Variants in LGSN observed in about 807,000 individuals in gnomAD.
LGSN encodes lengsin, lens protein with glutamine synthetase domain.
LGSN carries 21 observed loss-of-function variants against 19.5 expected under a neutral mutation model. That is an observed-to-expected ratio of 1.07 (90% CI 0.76 to 1.55). The LOEUF is 1.55. Among genes scored for constraint, LGSN ranks in the 40% most tolerant of loss-of-function variants. The pLI is 0.00. For synonymous variants in LGSN, 257 were observed against 215.6 expected, an observed-to-expected ratio of 1.19 and a Z score of -1.68; for missense variants, 673 against 608.5, an observed-to-expected ratio of 1.11 and a Z score of -1.12.
chr6:63,367,687 A>G, the LGSN span, among the ~76,000 whole-genome samples: 6 of 144,266 alleles, frequency 4.2e-5, 2 homozygotes, highest in African/African-American at 1.7e-4. Flanking sequence ...TCTTGGAACC[A>G]GCCCAAATGT....
At chr6:63,384,489 TTGTGTGTGTGTGTG>T in the LGSN span, among the ~76,000 whole-genome samples, 91 of 131,582 alleles carry the variant, frequency 6.9e-4, no homozygotes, top group East Asian at 7.3e-3. Context: ...AAATAACACC[TTGTGTGTGTGTGTG>T]TGTGTGTGTG....
the LGSN span, chr6:63,549,210 T>C: frequency 9.8e-6 from 7 of 712,640 alleles, no homozygotes; most frequent in Admixed American, 3.9e-5. Context: ...TCTGTACTTG[T>C]GGGCCAGCTG....
At chr6:63,524,076 G>T in the LGSN span, among the ~76,000 whole-genome samples, 2 of 152,024 alleles carry the variant, frequency 1.3e-5, no homozygotes, top group Non-Finnish European at 2.9e-5. Context: ...TTGCCTCCCA[G>T]GTTCAAGTGA....
the LGSN span, among the ~76,000 whole-genome samples, chr6:63,399,678 G>A: frequency 6.6e-6 from 1 of 150,826 alleles, no homozygotes; most frequent in Non-Finnish European, 1.5e-5. Flanking sequence ...TTATAGGTGT[G>A]AGCCACTGCA....
the LGSN span, among the ~76,000 whole-genome samples, chr6:63,539,084 G>A: frequency 6.6e-6 from 1 of 151,912 alleles, no homozygotes. Flanking sequence ...GTAGAGTAGA[G>A]GTTTCACCAT....
At chr6:63,516,580 G>C in the LGSN span, among the ~76,000 whole-genome samples, 206 of 152,206 alleles carry the variant, frequency 1.4e-3, 6 homozygotes, top group East Asian at 0.037. Context: ...TTGGGCATGA[G>C]GGCACTCAAA....
chr6:63,326,071 C>A, the LGSN span, among the ~76,000 whole-genome samples: 1 of 152,022 alleles, frequency 6.6e-6, no homozygotes, highest in Non-Finnish European at 1.5e-5. Flanking sequence ...CACGTCCCCA[C>A]CAGATTAGCT....
intron 1 of LGSN, among the ~76,000 whole-genome samples, chr6:63,301,852 A>G (rs796686780): frequency 5.7e-4 from 87 of 152,238 alleles, no homozygotes; most frequent in African/African-American, 2.1e-3. Flanking sequence ...ACGAATAAGG[A>G]TTTTTGCTTT....
At chr6:63,373,334 T>C in the LGSN span, among the ~76,000 whole-genome samples, 1 of 152,218 alleles carries the variant, frequency 6.6e-6, no homozygotes, top group Admixed American at 6.5e-5. Context: ...AGGAACCTGG[T>C]GACGTCATGT....
chr6:63,552,063 T>C, the LGSN span, among the ~76,000 whole-genome samples: 17 of 152,336 alleles, frequency 1.1e-4, no homozygotes, highest in East Asian at 3.3e-3. Flanking sequence ...TACCCAGTAA[T>C]GGGATGGCTG....
the LGSN span, among the ~76,000 whole-genome samples, chr6:63,331,583 C>T: frequency 2.0e-5 from 3 of 152,264 alleles, no homozygotes; most frequent in Non-Finnish European, 4.4e-5. Context: ...GAATCCACAA[C>T]GGTCCCTGGA....
chr6:63,484,545 C>T, the LGSN span, among the ~76,000 whole-genome samples: 5 of 151,884 alleles, frequency 3.3e-5, no homozygotes, highest in Non-Finnish European at 7.4e-5. Flanking sequence ...AAAAAAATCC[C>T]AGAAGACTAC....
chr6:63,329,643 T>C, the LGSN span, among the ~76,000 whole-genome samples: 20 of 152,288 alleles, frequency 1.3e-4, no homozygotes, highest in African/African-American at 4.3e-4. Flanking sequence ...GGGCGGGCAT[T>C]TTTTGCCTTT....
At chr6:63,468,666 G>C in the LGSN span, among the ~76,000 whole-genome samples, 1 of 152,074 alleles carries the variant, frequency 6.6e-6, no homozygotes, top group Non-Finnish European at 1.5e-5. Flanking sequence ...GACCTCAGGT[G>C]ATCTGCCCGC....
At chr6:63,399,132 A>T in the LGSN span, among the ~76,000 whole-genome samples, 3 of 151,798 alleles carry the variant, frequency 2.0e-5, no homozygotes, top group Admixed American at 6.6e-5. Context: ...CTTTTACGCC[A>T]TATTTTTACT....
At chr6:63,409,147 A>G in the LGSN span, among the ~76,000 whole-genome samples, 3 of 152,272 alleles carry the variant, frequency 2.0e-5, no homozygotes, top group East Asian at 5.8e-4. Context: ...TCTGCCCTCA[A>G]GTGATATTCC....
chr6:63,523,370 T>C, the LGSN span, among the ~76,000 whole-genome samples: 1 of 151,998 alleles, frequency 6.6e-6, no homozygotes, highest in Non-Finnish European at 1.5e-5. Flanking sequence ...CTGTCTCTAC[T>C]AGAAAACACA....
At chr6:63,382,315 T>C in the LGSN span, among the ~76,000 whole-genome samples, 2 of 152,234 alleles carry the variant, frequency 1.3e-5, no homozygotes, top group African/African-American at 2.4e-5. Flanking sequence ...GGTGTATGTA[T>C]ACAGTACATT....
At chr6:63,458,930 C>T in the LGSN span, among the ~76,000 whole-genome samples, 1 of 152,090 alleles carries the variant, frequency 6.6e-6, no homozygotes, top group Non-Finnish European at 1.5e-5. Flanking sequence ...TTTTTTGTTA[C>T]CATTATGTAA....
Sources: allele counts gnomAD v4.1 joint callset (sites outside exome capture counted in the v4.1 genomes callset), GRCh38; gene constraint gnomAD v4.1.1; transcripts MANE v1.5; gene names NCBI Gene and HGNC (gene_info 2026-07-23, HGNC 2026-07-21).